Variants in CTNNA3 observed in about 807,000 individuals in gnomAD.
CTNNA3 encodes catenin alpha 3.
In CTNNA3, 76 loss-of-function variants were observed where a neutral mutation model predicts 95.7. The observed-to-expected ratio is 0.79, with a 90% CI of 0.66 to 0.96. The LOEUF is 0.96. CTNNA3 is among the 40% of genes least tolerant of loss of function. The pLI is 0.00. For synonymous variants in CTNNA3, 431 were observed against 374.4 expected, an observed-to-expected ratio of 1.15 and a Z score of -1.74; for missense variants, 1,191 against 1,089.8, an observed-to-expected ratio of 1.09 and a Z score of -1.31.
At chr10:66,439,710 A>T (rs1036378607) in intron 11 of CTNNA3, among the ~76,000 whole-genome samples, 3 of 152,180 alleles carry the variant, frequency 2.0e-5, no homozygotes, top group Admixed American at 1.3e-4. Context: ...AGGTCACTGG[A>T]GGGAAAAATA....
intron 5 of CTNNA3, among the ~76,000 whole-genome samples, chr10:67,258,603 GATCT>G (rs1866456229): frequency 6.6e-6 from 1 of 152,054 alleles, no homozygotes. Flanking sequence ...CACAAAATAA[GATCT>G]ATCTTTCAAC....
At chr10:66,726,083 T>A (rs1378963623) in intron 9 of CTNNA3, among the ~76,000 whole-genome samples, 4 of 152,098 alleles carry the variant, frequency 2.6e-5, no homozygotes, top group Non-Finnish European at 4.4e-5. Flanking sequence ...GAGTAAAATA[T>A]GTATGTTAAT....
chr10:67,693,414 C>T (rs1247341879), intron 1 of CTNNA3, among the ~76,000 whole-genome samples: 2 of 152,176 alleles, frequency 1.3e-5, no homozygotes, highest in Non-Finnish European at 2.9e-5. Flanking sequence ...TAAATAAACA[C>T]TATTTTCAAG....
chr10:66,991,323 T>C (rs1003074368), intron 7 of CTNNA3, among the ~76,000 whole-genome samples: 2 of 152,182 alleles, frequency 1.3e-5, no homozygotes, highest in Non-Finnish European at 2.9e-5. Flanking sequence ...AGGAATTAGT[T>C]TGCTTTTCTG....
chr10:67,044,805 G>C (rs1287102788), intron 7 of CTNNA3, among the ~76,000 whole-genome samples: 1 of 152,126 alleles, frequency 6.6e-6, no homozygotes, highest in African/African-American at 2.4e-5. Context: ...ATGGTCTTTG[G>C]AGCCAAGAAA....
At chr10:66,674,956 G>A (rs1398597963) in intron 9 of CTNNA3, among the ~76,000 whole-genome samples, 2 of 152,132 alleles carry the variant, frequency 1.3e-5, no homozygotes, top group East Asian at 1.9e-4. Context: ...TTAGAATGCC[G>A]ATGACACCAA....
At chr10:66,892,278 T>A (rs1345999561) in intron 7 of CTNNA3, among the ~76,000 whole-genome samples, 1 of 152,114 alleles carries the variant, frequency 6.6e-6, no homozygotes, top group East Asian at 1.9e-4. Context: ...AAATGCAATG[T>A]GTTCCTTTAG....
intron 5 of CTNNA3, among the ~76,000 whole-genome samples, chr10:67,476,014 T>C (rs1333970274): frequency 6.6e-5 from 10 of 152,234 alleles, no homozygotes; most frequent in Non-Finnish European, 1.5e-4. Context: ...GCCAGGATGA[T>C]AGCCAGAGGA....
At chr10:66,337,812 T>C (rs551285217) in intron 12 of CTNNA3, among the ~76,000 whole-genome samples, 2 of 152,178 alleles carry the variant, frequency 1.3e-5, no homozygotes, top group African/African-American at 2.4e-5. Flanking sequence ...GAATATAAAA[T>C]GGTGCAGCCA....
At chr10:65,971,176 A>T (rs1256577311) in intron 16 of CTNNA3, among the ~76,000 whole-genome samples, 1 of 151,984 alleles carries the variant, frequency 6.6e-6, no homozygotes, top group Non-Finnish European at 1.5e-5. Flanking sequence ...GTTAAGAGGA[A>T]AGTTTATAGC....
intron 11 of CTNNA3, among the ~76,000 whole-genome samples, chr10:66,483,599 T>C (rs755887539): frequency 8.5e-4 from 129 of 152,286 alleles, no homozygotes; most frequent in Non-Finnish European, 4.1e-4. Flanking sequence ...ATTTGTTGTC[T>C]TTACCTCCTA....
intron 2 of CTNNA3, among the ~76,000 whole-genome samples, chr10:67,621,221 T>C (rs140134575): frequency 4.8e-4 from 73 of 152,210 alleles, no homozygotes; most frequent in African/African-American, 1.8e-3. Context: ...GGCAATTTTA[T>C]TGTGCAGCCA....
chr10:67,681,400 T>C (rs1189447904), intron 1 of CTNNA3, among the ~76,000 whole-genome samples: 2 of 152,144 alleles, frequency 1.3e-5, no homozygotes, highest in African/African-American at 4.8e-5. Flanking sequence ...TAAATACGGC[T>C]TTTCAAATTA....
At chr10:67,433,617 T>G (rs750036983) in intron 5 of CTNNA3, among the ~76,000 whole-genome samples, 2 of 152,018 alleles carry the variant, frequency 1.3e-5, no homozygotes, top group Non-Finnish European at 2.9e-5. Context: ...ATCAAACACA[T>G]TGAACATTTA....
intron 5 of CTNNA3, among the ~76,000 whole-genome samples, chr10:67,493,578 G>A (rs1317592733): frequency 1.7e-4 from 24 of 140,914 alleles, no homozygotes; most frequent in South Asian, 4.7e-4. Flanking sequence ...AAAAAAAAAA[G>A]TTTGATTTTA....
At chr10:66,863,349 A>G (rs1844029567) in intron 7 of CTNNA3, among the ~76,000 whole-genome samples, 1 of 152,128 alleles carries the variant, frequency 6.6e-6, no homozygotes, top group African/African-American at 2.4e-5. Flanking sequence ...CATCCGCTAT[A>G]TGGCATGGTC....
intron 1 of CTNNA3, among the ~76,000 whole-genome samples, chr10:67,687,175 A>C (rs1449499774): frequency 1.3e-5 from 2 of 152,130 alleles, no homozygotes; most frequent in Non-Finnish European, 2.9e-5. Context: ...TCCAGGAGGA[A>C]ATCAATTTCC....
At chr10:67,263,277 T>C (rs1185315563) in intron 5 of CTNNA3, among the ~76,000 whole-genome samples, 4 of 152,206 alleles carry the variant, frequency 2.6e-5, no homozygotes, top group African/African-American at 9.6e-5. Context: ...TGCAGTGATT[T>C]CAGACCTAGT....
At chr10:66,763,973 TC>T (rs1304645899) in intron 9 of CTNNA3, among the ~76,000 whole-genome samples, 3 of 152,146 alleles carry the variant, frequency 2.0e-5, no homozygotes, top group Non-Finnish European at 2.9e-5. Context: ...GCCCAGCTCT[TC>T]CCAGTCAACC....
Sources: allele counts gnomAD v4.1 joint callset (sites outside exome capture counted in the v4.1 genomes callset), GRCh38; gene constraint gnomAD v4.1.1; transcripts MANE v1.5; gene names NCBI Gene and HGNC (gene_info 2026-07-23, HGNC 2026-07-21).